IBSP: variants seen among roughly 807,000 people sequenced by gnomAD.
IBSP encodes integrin binding sialoprotein, also known as integrin-binding sialoprotein.
In IBSP, 19 loss-of-function variants were observed where a neutral mutation model predicts 25.5. The ratio of observed to expected loss-of-function variants is 0.74; its 90% CI spans 0.52 to 1.09. IBSP has a LOEUF of 1.09. IBSP is among the 50% of genes least tolerant of loss of function. The pLI, the probability that IBSP is intolerant of heterozygous loss-of-function variation, is 0.00. For synonymous variants in IBSP, 144 were observed against 137.6 expected (o/e 1.05, Z -0.33); for missense variants, 360 against 382.3 (o/e 0.94, Z 0.49).
intron 1 of IBSP, among the ~76,000 whole-genome samples, chr4:87,801,695 C>A (rs1722019553): frequency 6.6e-6 from 1 of 152,090 alleles, no homozygotes. Context: ...CACTCTGTTG[C>A]CCAGGGTGGA....
chr4:87,803,845 T>C (rs1057384316), intron 4 of IBSP, among the ~76,000 whole-genome samples: 1 of 152,144 alleles, frequency 6.6e-6, no homozygotes, highest in African/African-American at 2.4e-5. Context: ...ATTTGAAAGT[T>C]TGCTTTGTTC....
intron 5 of IBSP, among the ~76,000 whole-genome samples, chr4:87,808,593 G>A (rs987224686): frequency 6.6e-6 from 1 of 152,160 alleles, no homozygotes; most frequent in African/African-American, 2.4e-5. Flanking sequence ...TCAAAAAGCA[G>A]TGCGTGCCTT....
intron 4 of IBSP, among the ~76,000 whole-genome samples, chr4:87,803,882 A>G (rs1722057073): frequency 6.6e-6 from 1 of 152,202 alleles, no homozygotes; most frequent in African/African-American, 2.4e-5. Context: ...TGGAAATGAT[A>G]ATAAATTCAA....
At chr4:87,807,011 A>C (rs540843151) in intron 5 of IBSP, among the ~76,000 whole-genome samples, 79 of 152,248 alleles carry the variant, frequency 5.2e-4, no homozygotes, top group Non-Finnish European at 9.1e-4. Flanking sequence ...TCACAGAAAA[A>C]AAAAACAAAA....
In IBSP at chr4:87,811,566, G is replaced by A; in HGVS notation, c.610G>A (p.Glu204Lys). ...GGDNGEEGEE[E>K]SVTGANAEDT... ...AGACAATGGAGAAGAAGGGGAAGAA[G>A]AAAGTGTCACTGGAGCCAATGCAGA... is the stretch of plus-strand genomic sequence containing the variant. The change falls in exon 7 of 7, where the codon GAA becomes AAA. Residue 204 changes from glutamate (E) to lysine (K), a missense_variant. Glu to Lys is a moderately conservative substitution (Grantham distance 56). Transcript: ENST00000226284. 6.2e-7 allele frequency: 1 copy of A among 1,613,732 alleles called. No individual in the cohort carries two copies. Among genetic ancestry groups the A allele is most frequent in the Non-Finnish European group, 8.5e-7 (1 of 1,179,856 alleles).
chr4:87,801,760 T>G (rs6824602), intron 1 of IBSP, among the ~76,000 whole-genome samples: 14,431 of 152,074 alleles, frequency 0.095, 1,023 homozygotes, highest in African/African-American at 0.2. Flanking sequence ...GCTCAGCCTC[T>G]CGAGTAACTA....
chr4:87,811,954 G>A lies in IBSP; in HGVS notation c.*44G>A, dbSNP rs760320850. 1.2e-5 allele frequency: 18 copies of A among 1,464,380 alleles called. No individual in the cohort carries two copies. Among genetic ancestry groups the A allele is most frequent in the Non-Finnish European group, 1.3e-5 (14 of 1,093,026 alleles). The allele number at this position is 1,464,380 out of a possible 1,614,324, so 90.7% of individuals were successfully genotyped here. On this transcript the variant is annotated 3_prime_UTR_variant, in exon 7 of 7. Transcript: ENST00000226284. ...ATTCATCCATTCTGGCTTTGCATCC[G>A]GCTACCATTTTCGAAGTTCAACTCA...
At chr4:87,802,133 C>A (rs1722026264) in intron 1 of IBSP, among the ~76,000 whole-genome samples, 1 of 152,060 alleles carries the variant, frequency 6.6e-6, no homozygotes, top group Non-Finnish European at 1.5e-5. Context: ...AAGTATGGAA[C>A]TCAAGATTAT....
intron 1 of IBSP, 45 bp from the exon 2 acceptor site, chr4:87,802,303 C>A: frequency 1.7e-6 from 2 of 1,209,456 alleles, no homozygotes; most frequent in South Asian, 1.4e-5. Flanking sequence ...AAGTTATGCT[C>A]TTAGTTTTAA....
At position 87,800,619 on chromosome 4, in the gene IBSP, G is replaced by A. The variant is rs78069880; in HGVS notation, c.-15+986G>A. Among the ~76,000 whole-genome samples, 707 of 152,128 alleles carry A rather than the reference G, an allele frequency of 4.6e-3. 5 individuals are homozygous for A. The highest frequency in any genetic ancestry group is 0.017 in the African/African-American group (685 of 41,506). On this transcript the variant is annotated intron_variant, in intron 1 of 6. Transcript: ENST00000226284. Reference sequence around the variant, plus strand: ...GAGCAAAGCCTGTTTATTCCCAAGGGGCCATCAAGACCTTTTACTAAGATA... The same window carrying A: ...GAGCAAAGCCTGTTTATTCCCAAGGAGCCATCAAGACCTTTTACTAAGATA...
intron 4 of IBSP, among the ~76,000 whole-genome samples, chr4:87,805,287 A>G (rs1398498309): frequency 6.6e-6 from 1 of 152,188 alleles, no homozygotes; most frequent in African/African-American, 2.4e-5. Flanking sequence ...CTTAGATTGG[A>G]ATTTACATTT....
rs768717346 is a variant in IBSP, at chr4:87,800,892, A to G, written c.-15+1259A>G. Among the ~76,000 whole-genome samples, 67 of 152,132 alleles carry G rather than the reference A, an allele frequency of 4.4e-4. 1 individual carries two copies. The highest frequency in any genetic ancestry group is 1.8e-4 in the Non-Finnish European group (12 of 68,026). ...CATGGGAAATTGCCATCACCACTAC[A>G]TTTTGCTTCCAAAATATTGCCAAAG... is the stretch of plus-strand genomic sequence containing the variant. On this transcript the variant is annotated intron_variant, in intron 1 of 6. Transcript: ENST00000226284.
At chr4:87,811,063 C>T (rs536584926) in intron 6 of IBSP, among the ~76,000 whole-genome samples, 15 of 152,110 alleles carry the variant, frequency 9.9e-5, no homozygotes, top group Non-Finnish European at 1.8e-4. Flanking sequence ...TGAGAGATAC[C>T]ATGACATTCC....
intron 3 of IBSP, 44 bp from the exon 4 acceptor site, chr4:87,802,610 A>T: frequency 6.4e-7 from 1 of 1,569,300 alleles, no homozygotes; most frequent in Non-Finnish European, 8.6e-7. Context: ...CTGTATATTT[A>T]TTGCATATTA....
intron 1 of IBSP, among the ~76,000 whole-genome samples, chr4:87,801,521 TACAC>T (rs1162087592): frequency 6.8e-6 from 1 of 147,376 alleles, no homozygotes; most frequent in Non-Finnish European, 1.5e-5. Flanking sequence ...CACACGCATA[TACAC>T]ACACACACAC....
At position 87,810,685 on chromosome 4, in the gene IBSP, C is replaced by G; in HGVS notation, c.326C>G (p.Ala109Gly). Residue 109 changes from alanine to glycine, a missense_variant, in exon 6 of 7, where the codon GCT becomes GGT. Ala to Gly is a moderately conservative substitution (Grantham distance 60). Coordinates refer to ENST00000226284, the MANE Select transcript of IBSP (RefSeq NM_004967.4). ...DSEAENTTLS[A>G]TTLGYGEDAT... ...GAGGCTGAGAATACCACACTTTCTG[C>G]TACAACACTGGGCTATGGAGAGGAC... is the stretch of plus-strand genomic sequence containing the variant. 1 of 1,613,662 alleles carries G rather than the reference C, an allele frequency of 6.2e-7. No individual in the cohort carries two copies. Among genetic ancestry groups the G allele is most frequent in the South Asian group, 1.1e-5 (1 of 91,072 alleles).
At chr4:87,809,863 AT>A (rs1261114996) in intron 5 of IBSP, among the ~76,000 whole-genome samples, 1 of 148,488 alleles carries the variant, frequency 6.7e-6, no homozygotes, top group African/African-American at 2.4e-5. Flanking sequence ...GCCTCACGAT[AT>A]GATATAAAGG....
intron 4 of IBSP, among the ~76,000 whole-genome samples, chr4:87,805,528 A>G (rs1250912877): frequency 3.3e-5 from 5 of 152,328 alleles, no homozygotes; most frequent in Non-Finnish European, 7.4e-5. Context: ...TGCAAATTAA[A>G]TGCTATTAAA....
In IBSP at chr4:87,812,407, T is replaced by A. The variant is rs1433092527; in HGVS notation, c.*497T>A. Reference sequence around the variant, plus strand: ...TATGTATATTCTAATCTACGAGTTTTATCACAAATAAAAATGCAATCCTTC... The same window carrying A: ...TATGTATATTCTAATCTACGAGTTTAATCACAAATAAAAATGCAATCCTTC... On this transcript the variant is annotated 3_prime_UTR_variant, in exon 7 of 7. Transcript: ENST00000226284. The A allele has an allele frequency of 6.6e-6, 1 of 152,584 alleles. No individual in the cohort carries two copies. Among genetic ancestry groups the A allele is most frequent in the Admixed American group, 6.5e-5 (1 of 15,288 alleles). The allele number at this position is 152,584 out of a possible 1,614,324, so 9.5% of individuals were successfully genotyped here. A position where few individuals can be genotyped will look rare whatever the true frequency, so the allele number is the denominator to read the frequency against.
Sources: allele counts gnomAD v4.1 joint callset (sites outside exome capture counted in the v4.1 genomes callset), GRCh38; gene constraint gnomAD v4.1.1; transcripts MANE v1.5; gene names NCBI Gene and HGNC (gene_info 2026-07-23, HGNC 2026-07-21).